TRPC7: variants seen among roughly 807,000 people sequenced by gnomAD.
The protein encoded by TRPC7 is short transient receptor potential channel 7.
A neutral mutation model predicts 90.1 loss-of-function variants in TRPC7; 42 were observed. The ratio of observed to expected loss-of-function variants is 0.47; its 90% CI spans 0.36 to 0.60. The LOEUF (loss-of-function observed/expected upper bound fraction) is 0.60, where lower values mean the gene tolerates loss of function less well. TRPC7 is among the 20% of genes least tolerant of loss of function. The pLI, the probability that TRPC7 is intolerant of heterozygous loss-of-function variation, is 0.00. For missense variants in TRPC7, 955 were observed against 1,112.3 expected (o/e 0.86, Z 2.01); for synonymous variants, 451 against 436.3 (o/e 1.03, Z -0.42).
At chr5:136,352,500 T>G (rs1760223757) in intron 2 of TRPC7, among the ~76,000 whole-genome samples, 1 of 151,998 alleles carries the variant, frequency 6.6e-6, no homozygotes, top group Admixed American at 6.6e-5. Context: ...ACCAAGCAGA[T>G]TAATTCAGGA....
intron 3 of TRPC7, among the ~76,000 whole-genome samples, chr5:136,293,025 C>G (rs1461279221): frequency 1.3e-5 from 2 of 152,154 alleles, no homozygotes; most frequent in African/African-American, 2.4e-5. Context: ...AGCATATAAA[C>G]AGAACCAAAG....
At chr5:136,265,532 G>A (rs555048363) in intron 5 of TRPC7, among the ~76,000 whole-genome samples, 4 of 152,032 alleles carry the variant, frequency 2.6e-5, no homozygotes, top group South Asian at 2.1e-4. Flanking sequence ...ATTTTGCCAC[G>A]TTCAATTTTA....
At chr5:136,293,987 C>T (rs1046606880) in intron 3 of TRPC7, among the ~76,000 whole-genome samples, 10 of 152,226 alleles carry the variant, frequency 6.6e-5, no homozygotes, top group Middle Eastern at 3.4e-3. Flanking sequence ...AATAATGCTG[C>T]ATATCTACAA....
chr5:136,228,351 A>T (rs1755697851), intron 8 of TRPC7, among the ~76,000 whole-genome samples: 1 of 151,494 alleles, frequency 6.6e-6, no homozygotes, highest in Non-Finnish European at 1.5e-5. Context: ...AGAAGTGTAA[A>T]TAACTTGAGG....
chr5:136,229,341 C>T (rs897757978), intron 8 of TRPC7, among the ~76,000 whole-genome samples: 1 of 152,186 alleles, frequency 6.6e-6, no homozygotes, highest in Non-Finnish European at 1.5e-5. Context: ...CACACTGCTT[C>T]ACCCCTCCCT....
chr5:136,269,596 C>T (rs1378689722), intron 4 of TRPC7, among the ~76,000 whole-genome samples: 5 of 152,214 alleles, frequency 3.3e-5, no homozygotes, highest in African/African-American at 9.6e-5. Flanking sequence ...ATGCCACTCT[C>T]GCTTTCCACT....
chr5:136,355,865 C>T (rs1262678741), intron 2 of TRPC7, among the ~76,000 whole-genome samples: 1 of 152,114 alleles, frequency 6.6e-6, no homozygotes, highest in Non-Finnish European at 1.5e-5. Context: ...TACTTTAGGG[C>T]CCAGTTGTCT....
chr5:136,349,741 G>A (rs189167726), intron 2 of TRPC7, among the ~76,000 whole-genome samples: 63 of 152,332 alleles, frequency 4.1e-4, no homozygotes, highest in Non-Finnish European at 7.8e-4. Flanking sequence ...ATTAGGGTAA[G>A]AGCAAATGTT....
chr5:136,359,789 C>T (rs931717392), intron 1 of TRPC7, among the ~76,000 whole-genome samples: 1 of 151,970 alleles, frequency 6.6e-6, no homozygotes, highest in Non-Finnish European at 1.5e-5. Context: ...CACACACACA[C>T]ACACACAGGT....
intron 3 of TRPC7, among the ~76,000 whole-genome samples, chr5:136,287,687 CAAAAAAAAAAAAAAAAAAAAAAAAAAAAA>C (rs767031610): frequency 1.7e-4 from 10 of 59,520 alleles, no homozygotes; most frequent in Admixed American, 6.3e-4. Flanking sequence ...AGTGGATGCT[CAAAAAAAAAAAAAAAAAAAAAAAAAAAAA>C]AAAAAAAAAA....
chr5:136,246,237 G>A (rs1245495594), intron 7 of TRPC7, among the ~76,000 whole-genome samples: 1 of 152,202 alleles, frequency 6.6e-6, no homozygotes, highest in Non-Finnish European at 1.5e-5. Context: ...CCTTCCTGCT[G>A]CAGAGGCACA....
At chr5:136,257,141 T>G (rs1756711189) in intron 5 of TRPC7, among the ~76,000 whole-genome samples, 1 of 152,128 alleles carries the variant, frequency 6.6e-6, no homozygotes, top group Non-Finnish European at 1.5e-5. Context: ...CCCTTTCTGT[T>G]GAAAATGGCC....
chr5:136,242,215 C>T (rs1040452046), intron 7 of TRPC7, among the ~76,000 whole-genome samples: 2 of 152,158 alleles, frequency 1.3e-5, no homozygotes, highest in Non-Finnish European at 2.9e-5. Flanking sequence ...TGGGATACTT[C>T]GATTTTGTAC....
intron 3 of TRPC7, among the ~76,000 whole-genome samples, chr5:136,295,850 T>G (rs1183739315): frequency 6.6e-6 from 1 of 152,214 alleles, no homozygotes; most frequent in African/African-American, 2.4e-5. Flanking sequence ...TACATATTCC[T>G]TCTTTGAACT....
At chr5:136,278,220 A>G (rs1031675468) in intron 3 of TRPC7, among the ~76,000 whole-genome samples, 1 of 152,230 alleles carries the variant, frequency 6.6e-6, no homozygotes, top group Non-Finnish European at 1.5e-5. Context: ...TTGTAGTTAT[A>G]GTTCTGCATG....
chr5:136,256,245 T>C (rs962722978), intron 5 of TRPC7, among the ~76,000 whole-genome samples: 7 of 152,194 alleles, frequency 4.6e-5, no homozygotes, highest in African/African-American at 1.7e-4. Context: ...TTTTCTTTGC[T>C]GCTTTTCTAA....
rs979401795 is a variant in TRPC7, at chr5:136,247,148, T to C, written c.1844+323A>G. 2.0e-5 allele frequency among the ~76,000 whole-genome samples: 3 copies of C among 152,198 alleles called. No homozygotes were observed. Among genetic ancestry groups the C allele is most frequent in the African/African-American group, 4.8e-5 (2 of 41,444 alleles). ...TTTTTAGTAGTGGTCTTTCCATTTA[T>C]GAAATTTCCATTTATGAAATAATTC... On this transcript the variant is annotated intron_variant, in intron 7 of 11. Transcript: ENST00000513104. The surrounding 1 kb of genome is among the most constrained non-coding windows in gnomAD (Gnocchi z 4.2).
In TRPC7 at chr5:136,247,206, G is replaced by A. The variant is rs150825553; in HGVS notation, c.1844+265C>T. Reference sequence around the variant, plus strand: ...CTGAGAATGTCAAATCCTAGAAAACGTAGCATTCCTACATGTGATTTTTTT... The same window carrying A: ...CTGAGAATGTCAAATCCTAGAAAACATAGCATTCCTACATGTGATTTTTTT... On this transcript the variant is annotated intron_variant, in intron 7 of 11. Transcript: ENST00000513104. The surrounding 1 kb of genome is among the most constrained non-coding windows in gnomAD (Gnocchi z 4.2). Among the ~76,000 whole-genome samples the A allele has an allele frequency of 4.7e-5, 7 of 148,386 alleles. No homozygotes were observed. Among genetic ancestry groups the A allele is most frequent in the East Asian group, 4.0e-4 (2 of 4,982 alleles).
intron 11 of TRPC7, among the ~76,000 whole-genome samples, chr5:136,215,234 G>A (rs560447291): frequency 5.9e-5 from 9 of 152,284 alleles, no homozygotes; most frequent in African/African-American, 2.2e-4. Context: ...CATCTGCTCA[G>A]TGGATGTGCA....
Sources: gnomAD v4.1 joint callset for allele counts (sites outside exome capture counted in the v4.1 genomes callset) on GRCh38, gnomAD v4.1.1 for gene constraint, Gnocchi (gnomAD v3.1) non-coding constraint, MANE v1.5 for transcripts, NCBI Gene and HGNC (gene_info 2026-07-23, HGNC 2026-07-21) for gene names.